Variants in CREB3L2 observed in about 807,000 individuals in gnomAD.
CREB3L2 encodes cyclic AMP-responsive element-binding protein 3-like protein 2.
In CREB3L2, 23 loss-of-function variants were observed where a neutral mutation model predicts 57.2. The ratio of observed to expected loss-of-function variants is 0.40; its 90% confidence interval spans 0.29 to 0.57. The LOEUF (loss-of-function observed/expected upper bound fraction) is 0.57, where lower values mean the gene tolerates loss of function less well. Among genes scored for constraint, CREB3L2 ranks in the 20% least tolerant of loss-of-function variants. The probability of loss-of-function intolerance (pLI) is 0.42; values close to 1 mark genes in which losing one functional copy is unlikely to be tolerated. For synonymous variants in CREB3L2, 268 were observed against 265.1 expected (o/e 1.01, Z -0.11); for missense variants, 628 against 634.7 (o/e 0.99, Z 0.11).
intron 1 of CREB3L2, among the ~76,000 whole-genome samples, chr7:137,974,481 G>A (rs921131583): frequency 2.0e-5 from 3 of 152,180 alleles, no homozygotes; most frequent in Admixed American, 1.3e-4. Context: ...ACTCATGGAT[G>A]GAGCGCAGAT....
At position 137,881,778 on chromosome 7, in the gene CREB3L2, G is replaced by A. The variant is rs369537442; in HGVS notation, c.1487+634C>T. 3.3e-5 allele frequency among the ~76,000 whole-genome samples: 5 copies of A among 152,124 alleles called. No homozygotes were observed. In the East Asian group the frequency reaches 9.6e-4, roughly 29 times the overall value. On this transcript the variant is annotated intron_variant, in intron 11 of 11. Coordinates refer to ENST00000330387, the MANE Select transcript of CREB3L2 (RefSeq NM_194071.4). ...ATTACAACAACAATACCTTGCAGTC[G>A]CATAAGCCTTTATGTTTACAAAGGG...
chr7:137,975,465 C>CT (rs1246097752), intron 1 of CREB3L2, among the ~76,000 whole-genome samples: 1 of 152,208 alleles, frequency 6.6e-6, no homozygotes, highest in Non-Finnish European at 1.5e-5. Context: ...CCCCTTCTCT[C>CT]TTTTTTAAAG....
intron 1 of CREB3L2, among the ~76,000 whole-genome samples, chr7:137,995,663 T>C (rs943633330): frequency 1.3e-5 from 2 of 151,820 alleles, no homozygotes; most frequent in Non-Finnish European, 2.9e-5. Context: ...TCTTGCAACA[T>C]GAGATAATTT....
rs1049676012 is a variant in CREB3L2, at chr7:137,880,484, T to C, written c.1555A>G (p.Thr519Ala). ...GGGTGCAGGCAGCCTCTTTAGAAAG[T>C]GGTGTTCACTCTTCTGTCGAGTTCT... ...VVELDRRVNT[T>A]F The change falls in exon 12 of 12, where the codon ACT (threonine) becomes GCT (alanine). Residue 519 changes from threonine (T) to alanine (A), a missense_variant. By Grantham distance (58) the Thr-to-Ala change is moderately conservative. Transcript: ENST00000330387. This position sits in a 1 kb window ranked among gnomAD's most constrained non-coding sequence, Gnocchi z 4.0. The C allele has an allele frequency of 1.2e-6, 2 of 1,613,178 alleles. No homozygotes were observed. The highest frequency in any genetic ancestry group is 1.7e-6 in the Non-Finnish European group (2 of 1,179,418).
chr7:137,885,649 G>A (rs151102333), intron 8 of CREB3L2, 147 bp from the exon 9 acceptor site: 90 of 672,142 alleles, frequency 1.3e-4, no homozygotes, highest in Middle Eastern at 1.3e-3. Context: ...AAGAAGATAC[G>A]AACACCAGTA....
intron 2 of CREB3L2, among the ~76,000 whole-genome samples, chr7:137,918,958 GTAC>G (rs1434118526): frequency 1.3e-5 from 2 of 152,120 alleles, no homozygotes; most frequent in Non-Finnish European, 2.9e-5. Flanking sequence ...GCAAGTGATG[GTAC>G]TTGAACTATA....
chr7:137,885,523 C>T (rs370734182), intron 8 of CREB3L2, 21 bp from the exon 9 acceptor site: 10 of 1,573,926 alleles, frequency 6.4e-6, no homozygotes, highest in African/African-American at 1.3e-5. Context: ...TAACAACAGC[C>T]GTGAGGGGAG....
chr7:137,988,775 C>G (rs1359831672), intron 1 of CREB3L2, among the ~76,000 whole-genome samples: 1 of 152,070 alleles, frequency 6.6e-6, no homozygotes, highest in African/African-American at 2.4e-5. Context: ...GATAGATGGA[C>G]TTATCTGGAG....
intron 1 of CREB3L2, among the ~76,000 whole-genome samples, chr7:138,000,670 T>C (rs960131762): frequency 2.0e-5 from 3 of 152,146 alleles, no homozygotes; most frequent in African/African-American, 7.2e-5. Flanking sequence ...GTTTTCTCAT[T>C]AGTGTCCCCC....
chr7:137,947,197 T>C (rs1379170249), intron 1 of CREB3L2, among the ~76,000 whole-genome samples: 1 of 151,068 alleles, frequency 6.6e-6, no homozygotes, highest in Non-Finnish European at 1.5e-5. Context: ...AAACCAACCA[T>C]GCTGGCACCC....
At chr7:137,934,859 C>T (rs2117250344) in intron 1 of CREB3L2, among the ~76,000 whole-genome samples, 1 of 152,360 alleles carries the variant, frequency 6.6e-6, no homozygotes, top group East Asian at 1.9e-4. Context: ...TGCCTCACAA[C>T]ATAAATGTTC....
In CREB3L2 at chr7:138,001,800, G is replaced by T; in HGVS notation, c.-95C>A. 1 of 839,600 alleles carries T rather than the reference G, an allele frequency of 1.2e-6. No homozygotes were observed. The highest frequency in any genetic ancestry group is 1.7e-6 in the Non-Finnish European group (1 of 572,096). The allele number at this position is 839,600 out of a possible 1,614,324, so 52.0% of individuals were successfully genotyped here. ...GCAAGGTTCCTCTCTCTCCGCGTGT[G>T]CTTGCGTGTGTGCGCGCGCGTGTCT... On this transcript the variant is annotated 5_prime_UTR_variant, in exon 1 of 12. Transcript: ENST00000330387. The surrounding 1 kb of genome is among the most constrained non-coding windows in gnomAD (Gnocchi z 4.2).
intron 1 of CREB3L2, among the ~76,000 whole-genome samples, chr7:137,975,810 T>C (rs1358940833): frequency 6.6e-6 from 1 of 152,264 alleles, no homozygotes; most frequent in Non-Finnish European, 1.5e-5. Context: ...GCTTTTATTC[T>C]TCTTTTAGGA....
At chr7:137,975,950 T>A (rs79984973) in intron 1 of CREB3L2, among the ~76,000 whole-genome samples, 3 of 152,160 alleles carry the variant, frequency 2.0e-5, no homozygotes, top group African/African-American at 4.8e-5. Flanking sequence ...GGAAAGACAC[T>A]GAGTGGGAGG....
rs143881277 is a variant in CREB3L2, at chr7:137,885,422, T to C, written c.1124A>G (p.Gln375Arg). 1.2e-6 allele frequency: 2 copies of C among 1,614,102 alleles called. No individual in the cohort carries two copies. Among genetic ancestry groups the C allele is most frequent in the Non-Finnish European group, 1.7e-6 (2 of 1,179,954 alleles). ...VSRTCKLAGT[Q>R]TGTCLMVVVL... ...GCTCACCATGAGGCAGGTGCCAGTC[T>C]GCGTGCCAGCTAACTTGCAGGTTCG... Residue 375 changes from glutamine to arginine, a missense_variant, in exon 9 of 12, where the codon CAG becomes CGG. By Grantham distance (43) the Gln-to-Arg change is conservative. This residue lies in a region of CREB3L2 where 272 missense variants were observed against 242.7 expected (regional missense o/e 1.12). Coordinates refer to ENST00000330387, the MANE Select transcript of CREB3L2 (RefSeq NM_194071.4).
rs201913769 is a variant in CREB3L2 at position 137,928,345 on chromosome 7, C to G, written c.124G>C (p.Glu42Gln). The G allele has an allele frequency of 6.1e-5, 99 of 1,613,856 alleles. No homozygotes were observed. Among genetic ancestry groups the G allele is most frequent in the Non-Finnish European group, 9.3e-6 (11 of 1,179,940 alleles). ...TGACCCAAGACGTTCTGGGAAAACT[C>G]ATCCAGAAGTTCTGAGAAGTGCTAC... ...YHTHFSELLD[E>Q]FSQNVLGQLL... The change falls in exon 2 of 12, where the codon GAG becomes CAG. Residue 42 changes from glutamate (E) to glutamine (Q), a missense_variant. By Grantham distance (29) the Glu-to-Gln change is conservative. This residue lies in a region of CREB3L2 where 339 missense variants were observed against 355.4 expected (regional missense o/e 0.95). Coordinates refer to ENST00000330387, the MANE Select transcript of CREB3L2 (RefSeq NM_194071.4).
chr7:137,902,992 T>A (rs1339415172), intron 7 of CREB3L2, among the ~76,000 whole-genome samples: 3 of 152,126 alleles, frequency 2.0e-5, no homozygotes, highest in African/African-American at 7.2e-5. Context: ...AATTTTTTTT[T>A]ATTTTTTAGG....
At chr7:137,919,421 C>T (rs1800222529) in intron 2 of CREB3L2, among the ~76,000 whole-genome samples, 1 of 152,140 alleles carries the variant, frequency 6.6e-6, no homozygotes, top group South Asian at 2.1e-4. Context: ...ACCCACCCGC[C>T]TCAGCCTCCC....
chr7:137,895,642 C>CAAAAAAAAAAAAAAAAAAAAAAAAAAAA (rs759902698), intron 8 of CREB3L2, among the ~76,000 whole-genome samples: 1 of 111,926 alleles, frequency 8.9e-6, no homozygotes, highest in African/African-American at 3.7e-5. Context: ...GAGTCCAGTA[C>CAAAAAAAAAAAAAAAAAAAAAAAAAAAA]AAAAAAAAAA....
Sources: allele counts gnomAD v4.1 joint callset (sites outside exome capture counted in the v4.1 genomes callset), GRCh38; gene constraint gnomAD v4.1.1; regional missense constraint gnomAD v4.1.1; non-coding constraint Gnocchi (gnomAD v3.1); transcripts MANE v1.5; gene names NCBI Gene and HGNC (gene_info 2026-07-23, HGNC 2026-07-21).